KCNQ1: variants seen among roughly 807,000 people sequenced by gnomAD.
The protein encoded by KCNQ1 is potassium voltage-gated channel subfamily KQT member 1.
Under a neutral mutation model 72.4 loss-of-function variants are expected in KCNQ1, and 49 were observed. The ratio of observed to expected loss-of-function variants is 0.68; its 90% confidence interval spans 0.54 to 0.86. The LOEUF (loss-of-function observed/expected upper bound fraction) is 0.86, where lower values mean the gene tolerates loss of function less well. Ranked by LOEUF, KCNQ1 falls within the 40% of genes least tolerant of loss-of-function variation. The probability of loss-of-function intolerance (pLI) is 0.00; values close to 1 mark genes in which losing one functional copy is unlikely to be tolerated. For missense variants in KCNQ1, 790 were observed against 945.1 expected (o/e 0.84, Z 2.15); for synonymous variants, 450 against 412.6 (o/e 1.09, Z -1.10).
In KCNQ1 at chr11:2,848,700, G is replaced by A. The variant is rs1248291497; in HGVS notation, c.*697G>A. 1 of 450,968 alleles carries A rather than the reference G, an allele frequency of 2.2e-6. No individual in the cohort carries two copies. The highest frequency in any genetic ancestry group is 2.4e-5 in the Admixed American group (1 of 42,518). The allele number at this position is 450,968 out of a possible 1,614,324, so 27.9% of individuals were successfully genotyped here. Reference sequence around the variant, plus strand: ...CTGCCAGCTCTTCCTAGCTGGAGAGGAGCCCTGCCTCTCCGCCCCTGAGCC... The same window carrying A: ...CTGCCAGCTCTTCCTAGCTGGAGAGAAGCCCTGCCTCTCCGCCCCTGAGCC... On this transcript the variant is annotated 3_prime_UTR_variant, in exon 16 of 16. Coordinates refer to ENST00000155840, the MANE Select transcript of KCNQ1 (RefSeq NM_000218.3).
In KCNQ1 at chr11:2,611,668, ATC is replaced by A. The variant is rs1468237625; in HGVS notation, c.1393+22818_1393+22819del. On this transcript the variant is annotated intron_variant, in intron 10 of 15. Transcript: ENST00000155840. This position sits in a 1 kb window ranked among gnomAD's most constrained non-coding sequence, Gnocchi z 5.3. ...ATCCTGCTTTTAAGGCAGTCTGGCA[ATC>A]TCTGCTCTTTATTGAGTTTTTAATT... is the stretch of plus-strand genomic sequence containing the variant. 5.0e-5 allele frequency: 20 copies of A among 398,564 alleles called. No homozygotes were observed. The South Asian group carries it at 2.3e-3, about 46-fold the overall frequency. The allele number at this position is 398,564 out of a possible 1,614,324, so 24.7% of individuals were successfully genotyped here.
At chr11:2,688,592 A>G in intron 11 of KCNQ1, 1 of 398,706 alleles carries the variant, frequency 2.5e-6, no homozygotes, top group African/African-American at 2.1e-5. Flanking sequence ...TCGCTCACTG[A>G]GGCCAGGCAC....
intron 11 of KCNQ1, among the ~76,000 whole-genome samples, chr11:2,733,849 C>CGCTCTCGCTCTT (rs58155156): frequency 2.6e-4 from 9 of 35,196 alleles, no homozygotes; most frequent in African/African-American, 1.5e-3. Flanking sequence ...CTCTCTCTCT[C>CGCTCTCGCTCTT]TCTCTCTCCC....
At chr11:2,571,288 C>A in intron 3 of KCNQ1, 37 bp from the exon 4 acceptor site, 2 of 1,550,012 alleles carry the variant, frequency 1.3e-6, no homozygotes, top group Non-Finnish European at 1.8e-6. Flanking sequence ...CTGGCTGTGG[C>A]GATCACGAAA....
At chr11:2,584,810 C>A (rs903657458) in intron 7 of KCNQ1, among the ~76,000 whole-genome samples, 2 of 152,114 alleles carry the variant, frequency 1.3e-5, no homozygotes, top group Non-Finnish European at 2.9e-5. Flanking sequence ...TCCTTTGCAT[C>A]CCATCAACCG....
In KCNQ1 at chr11:2,847,790, G is replaced by T; in HGVS notation, c.1818G>T (p.Leu606=). ...EDKVTQLDQR[L]ALITDMLHQL... ...AGGTGACGCAGCTGGACCAGAGGCT[G>T]GCACTCATCACCGACATGCTTCACC... The change falls in exon 16 of 16, where the codon CTG becomes CTT. Residue 606 remains leucine, a synonymous_variant. Coordinates refer to ENST00000155840, the MANE Select transcript of KCNQ1 (RefSeq NM_000218.3). The T allele has an allele frequency of 6.4e-7, 1 of 1,573,350 alleles. No individual in the cohort carries two copies. Among genetic ancestry groups the T allele is most frequent in the Non-Finnish European group, 8.6e-7 (1 of 1,159,008 alleles).
Position 2,613,146 on chromosome 11 carries a change from T to A in KCNQ1, c.1393+24292T>A, listed in dbSNP as rs971156600. The A allele has an allele frequency of 2.5e-6, 1 of 398,486 alleles. No individual in the cohort carries two copies. The highest frequency in any genetic ancestry group is 4.4e-6 in the Non-Finnish European group (1 of 226,092). 24.7% of individuals were successfully genotyped at this position (398,486 alleles called of 1,614,324 possible). ...AATCTTCCACCCTCTGCTGAGGGGA[T>A]CTATGTGTGGGTTGGGACATTCAAA... On this transcript the variant is annotated intron_variant, in intron 10 of 15. Coordinates refer to ENST00000155840, the MANE Select transcript of KCNQ1 (RefSeq NM_000218.3). This position sits in a 1 kb window ranked among gnomAD's most constrained non-coding sequence, Gnocchi z 4.8.
chr11:2,543,482 C>T lies in KCNQ1; in HGVS notation c.477+15464C>T, dbSNP rs1847857856. 6.6e-6 allele frequency among the ~76,000 whole-genome samples: 1 copy of T among 152,134 alleles called. No individual in the cohort carries two copies. The highest frequency in any genetic ancestry group is 1.5e-5 in the Non-Finnish European group (1 of 68,018). ...ACAGACAGGGTCTCACTTTGTTGCC[C>T]AGGCTGGTGTCAAACTCCTGGCCTC... On this transcript the variant is annotated intron_variant, in intron 2 of 15. Coordinates refer to ENST00000155840, the MANE Select transcript of KCNQ1 (RefSeq NM_000218.3). The surrounding 1 kb of genome is among the most constrained non-coding windows in gnomAD (Gnocchi z 5.6).
rs28670239 is a variant in KCNQ1, at chr11:2,724,342, C to T, written c.1515-44502C>T. Among the ~76,000 whole-genome samples, 168 of 152,286 alleles carry T rather than the reference C, an allele frequency of 1.1e-3. No individual in the cohort carries two copies. The highest frequency in any genetic ancestry group is 3.9e-3 in the African/African-American group (163 of 41,566). On this transcript the variant is annotated intron_variant, in intron 11 of 15. Coordinates refer to ENST00000155840, the MANE Select transcript of KCNQ1 (RefSeq NM_000218.3). This position sits in a 1 kb window ranked among gnomAD's most constrained non-coding sequence, Gnocchi z 6.8. ...GGCCCTAAATCCTCAGGAGTGACAG[C>T]GTCCTCCCGCCCGGATTGGGTTTCT...
chr11:2,830,687 A>T lies in KCNQ1; in HGVS notation c.1795-17080A>T, dbSNP rs1029902122. On this transcript the variant is annotated intron_variant, in intron 15 of 15. Coordinates refer to ENST00000155840, the MANE Select transcript of KCNQ1 (RefSeq NM_000218.3). This position sits in a 1 kb window ranked among gnomAD's most constrained non-coding sequence, Gnocchi z 7.7. Reference sequence around the variant, plus strand: ...CCACCCTTCCACTCACCTTCCGAGCATTGTGGGCCTTCCCAGGAACCCCCA... The same window carrying T: ...CCACCCTTCCACTCACCTTCCGAGCTTTGTGGGCCTTCCCAGGAACCCCCA... Among the ~76,000 whole-genome samples the T allele has an allele frequency of 6.6e-6, 1 of 151,980 alleles. No individual in the cohort carries two copies.
At chr11:2,545,099 T>A (rs898202101) in intron 2 of KCNQ1, among the ~76,000 whole-genome samples, 1 of 152,260 alleles carries the variant, frequency 6.6e-6, no homozygotes, top group African/African-American at 2.4e-5. Context: ...TTACACTGAT[T>A]CATTTTCACA....
rs140654872 is a variant in KCNQ1, at chr11:2,558,080, T to G, written c.478-12548T>G. On this transcript the variant is annotated intron_variant, in intron 2 of 15. Coordinates refer to ENST00000155840, the MANE Select transcript of KCNQ1 (RefSeq NM_000218.3). ...GGGAATTAAACAACACTCTCCTAAA[T>G]AGCCAGAAAGAAGAGATTGATGTGG... Among the ~76,000 whole-genome samples, 3 of 152,324 alleles carry G rather than the reference T, an allele frequency of 2.0e-5. No homozygotes were observed. The East Asian group carries it at 5.8e-4, about 29-fold the overall frequency.
Position 2,535,710 on chromosome 11 carries a change from C to T in KCNQ1, c.477+7692C>T, listed in dbSNP as rs1318186002. Among the ~76,000 whole-genome samples the T allele has an allele frequency of 3.3e-5, 5 of 152,232 alleles. No individual in the cohort carries two copies. In the East Asian group the frequency reaches 7.7e-4, roughly 23 times the overall value. On this transcript the variant is annotated intron_variant, in intron 2 of 15. Transcript: ENST00000155840. ...CACCCACTCTGCACCTGAGAGAGGG[C>T]GGTCAGGTGACTGGTACCCCCTGAA...
At chr11:2,643,313 G>A (rs1413588545) in intron 10 of KCNQ1, 3 of 398,214 alleles carry the variant, frequency 7.5e-6, no homozygotes, top group African/African-American at 6.2e-5. Context: ...CAGATTTGAT[G>A]TTTGCCTTAT....
chr11:2,791,335 G>A (rs1414160443), intron 15 of KCNQ1, among the ~76,000 whole-genome samples: 1 of 151,978 alleles, frequency 6.6e-6, no homozygotes, highest in Non-Finnish European at 1.5e-5. Flanking sequence ...CAGGGCGTGA[G>A]GGCGGTGCGG....
rs1849788636 is a variant in KCNQ1 at position 2,653,444 on chromosome 11, A to AT, written c.1394-8511dup. On this transcript the variant is annotated intron_variant, in intron 10 of 15. Coordinates refer to ENST00000155840, the MANE Select transcript of KCNQ1 (RefSeq NM_000218.3). The surrounding 1 kb of genome is among the most constrained non-coding windows in gnomAD (Gnocchi z 5.3). ...AAACAAGCTTAAGCACAAAAGGGACATTTTTTGGCTCACACAGCTGGACCC... is the reference window on the plus strand; with the variant it reads ...AAACAAGCTTAAGCACAAAAGGGACATTTTTTTGGCTCACACAGCTGGACCC... 1 of 398,552 alleles carries AT rather than the reference A, an allele frequency of 2.5e-6. No individual in the cohort carries two copies. The allele number at this position is 398,552 out of a possible 1,614,324, so 24.7% of individuals were successfully genotyped here.
rs1453317743 is a variant in KCNQ1, at chr11:2,611,959, T to C, written c.1393+23105T>C. On this transcript the variant is annotated intron_variant, in intron 10 of 15. Coordinates refer to ENST00000155840, the MANE Select transcript of KCNQ1 (RefSeq NM_000218.3). This position sits in a 1 kb window ranked among gnomAD's most constrained non-coding sequence, Gnocchi z 5.3. ...TTAATAATCTACTCAAATATTTTTG[T>C]CTGCCCTATTCTCTCCTTCTCAGTA... The C allele has an allele frequency of 5.0e-6, 2 of 398,558 alleles. No individual in the cohort carries two copies. The highest frequency in any genetic ancestry group is 8.8e-6 in the Non-Finnish European group (2 of 226,080). The allele number at this position is 398,558 out of a possible 1,614,324, so 24.7% of individuals were successfully genotyped here. A position where few individuals can be genotyped will look rare whatever the true frequency, so the allele number is the denominator to read the frequency against.
chr11:2,560,238 T>C (rs1245228005), intron 2 of KCNQ1, among the ~76,000 whole-genome samples: 2 of 17,930 alleles, frequency 1.1e-4, no homozygotes, highest in Admixed American at 8.2e-4. Flanking sequence ...CCTTGGGGGA[T>C]GGGGGGGTGA....
Position 2,764,166 on chromosome 11 carries a change from T to G in KCNQ1, c.1515-4678T>G, listed in dbSNP as rs948533225. On this transcript the variant is annotated intron_variant, in intron 11 of 15. Coordinates refer to ENST00000155840, the MANE Select transcript of KCNQ1 (RefSeq NM_000218.3). This position sits in a 1 kb window ranked among gnomAD's most constrained non-coding sequence, Gnocchi z 4.8. ...TTCACTATTAAGTATGATGTCTGCT[T>G]AGGGTTTGGGTTTTTTTGTTTTAGT... Among the ~76,000 whole-genome samples the G allele has an allele frequency of 6.6e-6, 1 of 151,782 alleles. No homozygotes were observed. Among genetic ancestry groups the G allele is most frequent in the Admixed American group, 6.6e-5 (1 of 15,160 alleles).
Sources: gnomAD v4.1 joint callset for allele counts (sites outside exome capture counted in the v4.1 genomes callset) on GRCh38, gnomAD v4.1.1 for gene constraint, Gnocchi (gnomAD v3.1) non-coding constraint, MANE v1.5 for transcripts, NCBI Gene and HGNC (gene_info 2026-07-23, HGNC 2026-07-21) for gene names.